UHRF2: variants seen among roughly 807,000 people sequenced by gnomAD.
UHRF2 encodes the protein E3 ubiquitin-protein ligase UHRF2.
Under a neutral mutation model 96.8 loss-of-function variants are expected in UHRF2, and 23 were observed. The ratio of observed to expected loss-of-function variants is 0.24; its 90% CI spans 0.17 to 0.34. The LOEUF (loss-of-function observed/expected upper bound fraction) is 0.34. UHRF2 is among the 10% of genes least tolerant of loss of function. The probability of loss-of-function intolerance (pLI) is 1.00; values close to 1 mark genes in which losing one functional copy is unlikely to be tolerated. For missense variants in UHRF2, 685 were observed against 981.5 expected, an observed-to-expected ratio of 0.70 and a Z score of 4.04; for synonymous variants, 385 against 332.6, an observed-to-expected ratio of 1.16 and a Z score of -1.72.
intron 3 of UHRF2, among the ~76,000 whole-genome samples, chr9:6,446,878 A>T (rs1821542851): frequency 6.6e-6 from 1 of 151,558 alleles, no homozygotes; most frequent in African/African-American, 2.4e-5. Flanking sequence ...AATACTTATA[A>T]GTTTTATTTT....
In UHRF2 at chr9:6,451,767, G is replaced by C. The variant is rs555997536; in HGVS notation, c.645-8806G>C. On this transcript the variant is annotated intron_variant, in intron 3 of 15. Transcript: ENST00000276893. ...ATTACAGGCGTGAGCCACCGCGCCC[G>C]GCCTGTTTGTTGTTGTTGTTGTTGT... 5.8e-4 allele frequency among the ~76,000 whole-genome samples: 77 copies of C among 133,196 alleles called. 1 individual carries two copies. The highest frequency in any genetic ancestry group is 3.6e-4 in the Non-Finnish European group (23 of 63,306). The allele number at this position is 133,196 out of a possible 152,430, so 87.4% of individuals were successfully genotyped here.
chr9:6,449,079 A>G (rs1821696108), intron 3 of UHRF2, among the ~76,000 whole-genome samples: 1 of 152,130 alleles, frequency 6.6e-6, no homozygotes, highest in Non-Finnish European at 1.5e-5. Context: ...TGAACCTTAT[A>G]TGATTTCCAT....
At chr9:6,456,718 A>C (rs902721889) in intron 3 of UHRF2, among the ~76,000 whole-genome samples, 1 of 152,176 alleles carries the variant, frequency 6.6e-6, no homozygotes, top group African/African-American at 2.4e-5. Flanking sequence ...TATAAGGTGT[A>C]AGGAAAGGGT....
chr9:6,430,085 A>G (rs1475344121), intron 2 of UHRF2, among the ~76,000 whole-genome samples: 2 of 152,240 alleles, frequency 1.3e-5, no homozygotes, highest in East Asian at 1.9e-4. Context: ...ATATTGGCCC[A>G]TTACAACCTC....
intron 2 of UHRF2, chr9:6,422,794 G>C (rs957335006): frequency 7.4e-6 from 3 of 405,408 alleles, no homozygotes; most frequent in African/African-American, 6.2e-5. Flanking sequence ...TTGATATCTT[G>C]ATTAGTTCTT....
intron 2 of UHRF2, among the ~76,000 whole-genome samples, chr9:6,422,302 G>C (rs1003186798): frequency 6.6e-6 from 1 of 151,850 alleles, no homozygotes; most frequent in Non-Finnish European, 1.5e-5. Flanking sequence ...GGCTGGTCTC[G>C]AACTCCTGAC....
intron 8 of UHRF2, among the ~76,000 whole-genome samples, chr9:6,485,119 A>T (rs555092079): frequency 1.3e-5 from 2 of 152,236 alleles, no homozygotes; most frequent in Non-Finnish European, 1.5e-5. Context: ...GTGGAAGATG[A>T]AACATTTAGT....
intron 4 of UHRF2, among the ~76,000 whole-genome samples, chr9:6,462,114 A>C (rs1026759433): frequency 6.6e-6 from 1 of 152,172 alleles, no homozygotes; most frequent in Non-Finnish European, 1.5e-5. Context: ...TAAAGCGAGG[A>C]TAGGCAAGCT....
chr9:6,436,738 A>G (rs776761468), intron 3 of UHRF2, among the ~76,000 whole-genome samples: 2 of 152,246 alleles, frequency 1.3e-5, no homozygotes, highest in Non-Finnish European at 2.9e-5. Flanking sequence ...TTAGAGCACA[A>G]AACACAGTAC....
chr9:6,460,431 A>G (rs552631579), intron 3 of UHRF2, 142 bp from the exon 4 acceptor site: 1 of 640,706 alleles, frequency 1.6e-6, no homozygotes, highest in Admixed American at 3.1e-5. Flanking sequence ...TGAAGTAATA[A>G]CACCTGCTAT....
At chr9:6,468,487 T>G (rs1295730495) in intron 4 of UHRF2, 1 of 456,062 alleles carries the variant, frequency 2.2e-6, no homozygotes, top group Non-Finnish European at 4.4e-6. Context: ...GAGGTAAGAA[T>G]CTCATAAGGC....
chr9:6,434,830 G>A (rs1160535187), intron 3 of UHRF2, among the ~76,000 whole-genome samples: 1 of 151,992 alleles, frequency 6.6e-6, no homozygotes, highest in African/African-American at 2.4e-5. Flanking sequence ...ACATCTATAT[G>A]TGTATGTTTT....
At chr9:6,450,102 T>C (rs1043364501) in intron 3 of UHRF2, among the ~76,000 whole-genome samples, 1 of 152,186 alleles carries the variant, frequency 6.6e-6, no homozygotes, top group African/African-American at 2.4e-5. Flanking sequence ...GGGAACAGAC[T>C]TGGAAACACT....
chr9:6,493,352 T>G (rs189546416), intron 9 of UHRF2, among the ~76,000 whole-genome samples: 1 of 152,300 alleles, frequency 6.6e-6, no homozygotes, highest in African/African-American at 2.4e-5. Context: ...TAGTACTTAT[T>G]TATTGTCAAT....
At chr9:6,415,160 T>G (rs1348894498) in intron 1 of UHRF2, 3 of 152,204 alleles carry the variant, frequency 2.0e-5, no homozygotes, top group African/African-American at 7.2e-5. Flanking sequence ...TCCTAAAATC[T>G]TTATTATCAA....
chr9:6,448,794 C>T (rs1413948451), intron 3 of UHRF2, among the ~76,000 whole-genome samples: 3 of 152,194 alleles, frequency 2.0e-5, no homozygotes, highest in African/African-American at 7.2e-5. Context: ...AGTAGACAGA[C>T]TACTTGTCTT....
intron 3 of UHRF2, among the ~76,000 whole-genome samples, chr9:6,440,839 C>T (rs1288053057): frequency 6.6e-6 from 1 of 152,160 alleles, no homozygotes; most frequent in Non-Finnish European, 1.5e-5. Flanking sequence ...TGCATGAGAC[C>T]TCTCCGCATA....
Position 6,504,654 on chromosome 9 carries a change from A to G in UHRF2, c.2225A>G (p.Gln742Arg), listed in dbSNP as rs1274219503. The change falls in exon 15 of 16, where the codon CAG becomes CGG. Residue 742 changes from glutamine to arginine, a missense_variant. Physicochemically the swap from Gln to Arg is conservative, Grantham distance 43. Around this residue, in one of 6 missense-constraint regions of UHRF2, gnomAD observed 71 missense variants for 114.1 expected, o/e 0.62. Coordinates refer to ENST00000276893, the MANE Select transcript of UHRF2 (RefSeq NM_152896.3). ...MCVCCQELVY[Q>R]PVTTECFHNV... Reference sequence around the variant, plus strand: ...GTTTGCTGTCAGGAGCTAGTTTACCAGCCTGTGACAACTGAGTGCTTCCAC... The same window carrying G: ...GTTTGCTGTCAGGAGCTAGTTTACCGGCCTGTGACAACTGAGTGCTTCCAC... 6.2e-7 allele frequency: 1 copy of G among 1,613,804 alleles called. No homozygotes were observed.
chr9:6,459,552 C>G (rs1021977500), intron 3 of UHRF2, among the ~76,000 whole-genome samples: 2 of 152,164 alleles, frequency 1.3e-5, no homozygotes, highest in African/African-American at 4.8e-5. Context: ...GCCTGTAATC[C>G]CAGCTACTTA....
Sources: allele counts gnomAD v4.1 joint callset (sites outside exome capture counted in the v4.1 genomes callset), GRCh38; gene constraint gnomAD v4.1.1; regional missense constraint gnomAD v4.1.1; transcripts MANE v1.5; gene names NCBI Gene and HGNC (gene_info 2026-07-23, HGNC 2026-07-21).